Variants in CACNA1B observed in about 807,000 individuals in gnomAD.
CACNA1B encodes the protein voltage-dependent N-type calcium channel subunit alpha-1B.
A neutral mutation model predicts 247.2 loss-of-function variants in CACNA1B; 70 were observed. The observed-to-expected ratio is 0.28, with a 90% confidence interval of 0.23 to 0.35. CACNA1B has a LOEUF of 0.35. Among genes scored for constraint, CACNA1B ranks in the 10% least tolerant of loss-of-function variants. The pLI is 1.00. For synonymous variants in CACNA1B, 1,231 were observed against 1,294.4 expected (o/e 0.95, Z 1.05); for missense variants, 2,367 against 3,197.4 (o/e 0.74, Z 6.26).
Position 138,057,229 on chromosome 9 carries a change from G to A in CACNA1B, c.3969-503G>A, listed in dbSNP as rs992290178. 5.3e-5 allele frequency among the ~76,000 whole-genome samples: 8 copies of A among 152,098 alleles called. No homozygotes were observed. In the South Asian group the frequency reaches 8.3e-4, roughly 16 times the overall value. On this transcript the variant is annotated intron_variant, in intron 26 of 46. Transcript: ENST00000371372. This position sits in a 1 kb window ranked among gnomAD's most constrained non-coding sequence, Gnocchi z 4.0. Reference sequence around the variant, plus strand: ...TGGGATTACAGGCGTGAGCCACCGCGCCCGGCCTTTTTTATTTATTAGAAT... The same window carrying A: ...TGGGATTACAGGCGTGAGCCACCGCACCCGGCCTTTTTTATTTATTAGAAT...
In CACNA1B at chr9:138,058,947, A is replaced by G. The variant is rs1959615196; in HGVS notation, c.4474-132A>G. ...GGAGGTTCTGGGAGGACTCGGGGAG[A>G]GCAGGAAGGGGTGTCCCAGGCCTAG... On this transcript the variant is annotated intron_variant, in intron 29 of 46. Coordinates refer to ENST00000371372, the MANE Select transcript of CACNA1B (RefSeq NM_000718.4). This position sits in a 1 kb window ranked among gnomAD's most constrained non-coding sequence, Gnocchi z 4.7. 3 of 712,512 alleles carry G rather than the reference A, an allele frequency of 4.2e-6. No individual in the cohort carries two copies. Among genetic ancestry groups the G allele is most frequent in the Non-Finnish European group, 7.4e-6 (3 of 405,504 alleles). The allele number at this position is 712,512 out of a possible 1,614,324, so 44.1% of individuals were successfully genotyped here. A position where few individuals can be genotyped will look rare whatever the true frequency, so the allele number is the denominator to read the frequency against.
chr9:138,055,851 C>T lies in CACNA1B; in HGVS notation c.3968+1845C>T, dbSNP rs543883116. Reference sequence around the variant, plus strand: ...ACCAGCCTGGTCAAAATAGTGAAACCCTGTCTCTACTAAAACTACAAAAAA... The same window carrying T: ...ACCAGCCTGGTCAAAATAGTGAAACTCTGTCTCTACTAAAACTACAAAAAA... On this transcript the variant is annotated intron_variant, in intron 26 of 46. Coordinates refer to ENST00000371372, the MANE Select transcript of CACNA1B (RefSeq NM_000718.4). Among the ~76,000 whole-genome samples the T allele has an allele frequency of 1.4e-3, 206 of 152,132 alleles. 1 individual carries two copies. Among genetic ancestry groups the T allele is most frequent in the Non-Finnish European group, 2.4e-3 (163 of 67,992 alleles).
chr9:138,121,010 C>T lies in CACNA1B; in HGVS notation c.6489+129C>T, dbSNP rs978843524. On this transcript the variant is annotated intron_variant, in intron 46 of 46. Coordinates refer to ENST00000371372, the MANE Select transcript of CACNA1B (RefSeq NM_000718.4). The surrounding 1 kb of genome is among the most constrained non-coding windows in gnomAD (Gnocchi z 6.8). ...TTGTCATTCCCAGCAACCCAAGGGC[C>T]GGGCGCTCCCCTCTGTGCCCTGTCC... 31 of 1,102,276 alleles carry T rather than the reference C, an allele frequency of 2.8e-5. No individual in the cohort carries two copies. The highest frequency in any genetic ancestry group is 1.5e-4 in the Admixed American group (5 of 34,426). The allele number at this position is 1,102,276 out of a possible 1,614,324, so 68.3% of individuals were successfully genotyped here.
intron 6 of CACNA1B, among the ~76,000 whole-genome samples, chr9:137,918,677 G>A (rs537325580): frequency 1.4e-4 from 22 of 152,308 alleles, no homozygotes; most frequent in African/African-American, 5.1e-4. Context: ...CCTGGGGAGA[G>A]ACTGGGGCCC....
At chr9:137,942,306 T>TA (rs1303966851) in intron 6 of CACNA1B, among the ~76,000 whole-genome samples, 1 of 152,120 alleles carries the variant, frequency 6.6e-6, no homozygotes, top group African/African-American at 2.4e-5. Context: ...ATGGTGGTAA[T>TA]AAAAAAATTT....
At chr9:138,022,957 A>G in intron 18 of CACNA1B, 54 bp from the exon 19 acceptor site, 15 of 1,447,864 alleles carry the variant, frequency 1.0e-5, no homozygotes, top group Non-Finnish European at 1.4e-5. Flanking sequence ...GCCTCCCTGG[A>G]GAGCGGCGGG....
rs139098965 is a variant in CACNA1B at position 137,982,904 on chromosome 9, T to C, written c.1657-1234T>C. 9.9e-4 allele frequency among the ~76,000 whole-genome samples: 151 copies of C among 152,328 alleles called. 1 individual carries two copies. The highest frequency in any genetic ancestry group is 3.1e-3 in the Admixed American group (47 of 15,296). On this transcript the variant is annotated intron_variant, in intron 12 of 46. Transcript: ENST00000371372. The stretch of plus-strand genomic sequence containing the variant: ...ACGTTAGATATTCTCTGAATGGCGA[T>C]CTGTGGACAACGTAGAGAAATGTGC...
intron 41 of CACNA1B, 39 bp from the exon 42 acceptor site, chr9:138,115,513 C>T: frequency 6.3e-7 from 1 of 1,598,672 alleles, no homozygotes; most frequent in Non-Finnish European, 8.5e-7. Flanking sequence ...CATTGCAGGC[C>T]CATTGGAGCT....
At chr9:138,033,885 A>T (rs1216303317) in intron 20 of CACNA1B, among the ~76,000 whole-genome samples, 1 of 152,084 alleles carries the variant, frequency 6.6e-6, no homozygotes, top group Non-Finnish European at 1.5e-5. Context: ...TTACAATTTG[A>T]GGTGAGATTT....
Position 138,086,166 on chromosome 9 carries a change from C to T in CACNA1B, c.5094+7908C>T, listed in dbSNP as rs369793321. ...ACCTTAAATGTAAATGGATTAAATT[C>T]CCTCACTTAAAGTATATAAACTGGC... is the stretch of plus-strand genomic sequence containing the variant. On this transcript the variant is annotated intron_variant, in intron 36 of 46. Coordinates refer to ENST00000371372, the MANE Select transcript of CACNA1B (RefSeq NM_000718.4). Among the ~76,000 whole-genome samples, 5 of 151,196 alleles carry T rather than the reference C, an allele frequency of 3.3e-5. 1 individual carries two copies. In the South Asian group the frequency reaches 8.3e-4, roughly 25 times the overall value.
chr9:138,031,421 C>G (rs1958986682), intron 20 of CACNA1B, among the ~76,000 whole-genome samples: 1 of 152,122 alleles, frequency 6.6e-6, no homozygotes, highest in African/African-American at 2.4e-5. Context: ...AGGTTCGTGG[C>G]CCAGGATGTG....
Position 137,952,413 on chromosome 9 carries a change from C to T in CACNA1B, c.1070+36C>T. The T allele has an allele frequency of 6.4e-7, 1 of 1,556,746 alleles. No homozygotes were observed. The highest frequency in any genetic ancestry group is 8.9e-7 in the Non-Finnish European group (1 of 1,128,182). ...ATGTGGGGGATGTGCAGGTGCCCCT[C>T]TGTGTTCTCAGCTGAGGGGTCAACA... is the stretch of plus-strand genomic sequence containing the variant. On this transcript the variant is annotated intron_variant, in intron 7 of 46. Transcript: ENST00000371372. This position sits in a 1 kb window ranked among gnomAD's most constrained non-coding sequence, Gnocchi z 4.8.
intron 8 of CACNA1B, 118 bp from the exon 9 acceptor site, chr9:137,956,653 C>CAAAAA: frequency 6.0e-6 from 3 of 501,012 alleles, no homozygotes; most frequent in African/African-American, 3.0e-5. Context: ...GACTCCATCT[C>CAAAAA]AAAAAAAAAA....
intron 21 of CACNA1B, among the ~76,000 whole-genome samples, chr9:138,045,580 C>T (rs992903192): frequency 5.3e-5 from 8 of 152,184 alleles, no homozygotes; most frequent in African/African-American, 1.9e-4. Context: ...TCACTGAGAC[C>T]AGCAGTGCTG....
chr9:138,019,786 G>T (rs114561035), intron 18 of CACNA1B, among the ~76,000 whole-genome samples: 1 of 152,070 alleles, frequency 6.6e-6, no homozygotes, highest in Non-Finnish European at 1.5e-5. Flanking sequence ...ATCCATCCGC[G>T]GGGTGGAATA....
chr9:138,005,637 T>C lies in CACNA1B; in HGVS notation c.1975-1130T>C, dbSNP rs200222299. On this transcript the variant is annotated intron_variant, in intron 15 of 46. Transcript: ENST00000371372. ...GAGATGTTCCCAACACAATGCTAAA[T>C]GTTTGAGGTGATGGATATCCGAATA... Among the ~76,000 whole-genome samples the C allele has an allele frequency of 3.2e-4, 48 of 152,362 alleles. 1 individual carries two copies. In the East Asian group the frequency reaches 8.5e-3, roughly 27 times the overall value.
chr9:138,048,047 G>A (rs1296431399), intron 23 of CACNA1B, among the ~76,000 whole-genome samples: 3 of 152,174 alleles, frequency 2.0e-5, no homozygotes, highest in African/African-American at 2.4e-5. Context: ...CATGACTTCC[G>A]TGCAGCTTAG....
Position 137,882,791 on chromosome 9 carries a change from G to A in CACNA1B, c.438G>A (p.Gly146=), listed in dbSNP as rs1209913315. 1 of 1,613,850 alleles carries A rather than the reference G, an allele frequency of 6.2e-7. No homozygotes were observed. Among genetic ancestry groups the A allele is most frequent in the Non-Finnish European group, 8.5e-7 (1 of 1,179,864 alleles). Reference sequence around the variant, plus strand: ...TCGGGATCTTTTGCTTCGAGGCAGGGATCAAAATCATCGCTCTGGGCTTTG... The same window carrying A: ...TCGGGATCTTTTGCTTCGAGGCAGGAATCAAAATCATCGCTCTGGGCTTTG... ...YFIGIFCFEA[G]IKIIALGFVF... The change falls in exon 3 of 47, where the codon GGG becomes GGA. Residue 146 remains glycine (G), a synonymous_variant. Coordinates refer to ENST00000371372, the MANE Select transcript of CACNA1B (RefSeq NM_000718.4). This position sits in a 1 kb window ranked among gnomAD's most constrained non-coding sequence, Gnocchi z 4.0.
At chr9:138,078,004 G>A in intron 35 of CACNA1B, 110 bp from the exon 36 acceptor site, 1 of 867,502 alleles carries the variant, frequency 1.2e-6, no homozygotes, top group Non-Finnish European at 1.8e-6. Context: ...GCACATGTGT[G>A]AGCTGTCTGT....
Sources: gnomAD v4.1 joint callset for allele counts (sites outside exome capture counted in the v4.1 genomes callset) on GRCh38, gnomAD v4.1.1 for gene constraint, Gnocchi (gnomAD v3.1) non-coding constraint, MANE v1.5 for transcripts, NCBI Gene and HGNC (gene_info 2026-07-23, HGNC 2026-07-21) for gene names.